Variants in PCDHGA1 observed in about 807,000 individuals in gnomAD.
The protein encoded by PCDHGA1 is protocadherin gamma-A1.
A neutral mutation model predicts 58.0 loss-of-function variants in PCDHGA1; 32 were observed. The observed-to-expected ratio is 0.55, with a 90% CI of 0.42 to 0.74. The LOEUF (loss-of-function observed/expected upper bound fraction) is 0.74. PCDHGA1 is among the 30% of genes least tolerant of loss of function. The pLI, the probability that PCDHGA1 is intolerant of heterozygous loss-of-function variation, is 0.00. For synonymous variants in PCDHGA1, 498 were observed against 501.1 expected (o/e 0.99, Z 0.08); for missense variants, 1,205 against 1,182.3 (o/e 1.02, Z -0.28).
At chr5:141,345,869 C>A (rs760004877) in intron 1 of PCDHGA1, 2 of 1,613,278 alleles carry the variant, frequency 1.2e-6, no homozygotes, top group Non-Finnish European at 1.7e-6. Context: ...TCAAGGCCAG[C>A]GAGCCGGGAC....
chr5:141,392,089 A>G (rs1278879227), intron 1 of PCDHGA1: 2 of 152,236 alleles, frequency 1.3e-5, no homozygotes, highest in Non-Finnish European at 2.9e-5. Context: ...ATTTAGAAGA[A>G]TAATTTAAAA....
intron 1 of PCDHGA1, chr5:141,416,504 C>G (rs966090979): frequency 1.3e-5 from 2 of 152,040 alleles, no homozygotes; most frequent in African/African-American, 4.8e-5. Flanking sequence ...AGATATATGA[C>G]AAAGCTATTT....
rs1398633747 is a variant in PCDHGA1, at chr5:141,331,478, A to G, written c.794A>G (p.Asn265Ser). 1.9e-6 allele frequency: 3 copies of G among 1,614,206 alleles called. No individual in the cohort carries two copies. The highest frequency in any genetic ancestry group is 2.2e-5 in the South Asian group (2 of 91,084). The change falls in exon 1 of 4, where the codon AAT becomes AGT. Residue 265 changes from asparagine to serine, a missense_variant. Transcript: ENST00000517417. ...CTGGGTACTCAGCTGCTCATGGTAA[A>G]TGCCACTGACCCTGATGAGGGAGCC... ...VPLGTQLLMV[N>S]ATDPDEGANG...
In PCDHGA1 at chr5:141,431,675, G is replaced by A. The variant is rs778040824; in HGVS notation, c.2422-63132G>A. Reference sequence around the variant, plus strand: ...TTCAGGGACAATATCAACAATAGGGGAGTTGGACCACGAGGAGTCAGGATT... The same window carrying A: ...TTCAGGGACAATATCAACAATAGGGAAGTTGGACCACGAGGAGTCAGGATT... On this transcript the variant is annotated intron_variant, in intron 1 of 3. Coordinates refer to ENST00000517417, the MANE Select transcript of PCDHGA1 (RefSeq NM_018912.3). The surrounding 1 kb of genome is among the most constrained non-coding windows in gnomAD (Gnocchi z 4.8). 5.6e-6 allele frequency: 9 copies of A among 1,614,230 alleles called. No homozygotes were observed. Among genetic ancestry groups the A allele is most frequent in the Admixed American group, 1.7e-5 (1 of 60,028 alleles).
intron 1 of PCDHGA1, chr5:141,388,479 C>T (rs1345463224): frequency 4.3e-6 from 7 of 1,613,652 alleles, no homozygotes; most frequent in Non-Finnish European, 1.7e-6. Flanking sequence ...ATTGAAGACA[C>T]CTTTGGACAG....
intron 1 of PCDHGA1, chr5:141,345,475 GCAA>G (rs780479748): frequency 1.7e-5 from 27 of 1,614,000 alleles, no homozygotes; most frequent in Middle Eastern, 1.6e-4. Context: ...GACCCAGATA[GCAA>G]CAACAACGCC....
At chr5:141,404,759 T>G (rs1466446291) in intron 1 of PCDHGA1, 1 of 1,613,632 alleles carries the variant, frequency 6.2e-7, no homozygotes, top group Admixed American at 1.7e-5. Flanking sequence ...CCAGAATGCT[T>G]GGCTCTCCTA....
intron 1 of PCDHGA1, chr5:141,427,307 T>C (rs745903769): frequency 4.4e-6 from 2 of 456,906 alleles, no homozygotes; most frequent in South Asian, 1.5e-5. Flanking sequence ...AGAATGACAA[T>C]GCCCCAGACG....
In PCDHGA1 at chr5:141,384,637, C is replaced by T. The variant is rs764454496; in HGVS notation, c.2421+51532C>T. On this transcript the variant is annotated intron_variant, in intron 1 of 3. Transcript: ENST00000517417. ...TTCTACTGGCATGGAGCTGGCACCC[C>T]GCTCCGCAGAGCCCGGCTACCTGGT... is the stretch of plus-strand genomic sequence containing the variant. The T allele has an allele frequency of 1.7e-5, 28 of 1,614,114 alleles. No individual in the cohort carries two copies. The highest frequency in any genetic ancestry group is 1.6e-4 in the Middle Eastern group (1 of 6,082).
chr5:141,438,591 CATATATATATAT>C lies in PCDHGA1; in HGVS notation c.2422-56182_2422-56171del, dbSNP rs946798767. ...TCTGATATACATACATACATACATACATATATATATATATATATATATATATATATATATATA... is the reference window on the plus strand; with the variant it reads ...TCTGATATACATACATACATACATACATATATATATATATATATATATATA... On this transcript the variant is annotated intron_variant, in intron 1 of 3. Coordinates refer to ENST00000517417, the MANE Select transcript of PCDHGA1 (RefSeq NM_018912.3). Among the ~76,000 whole-genome samples the C allele has an allele frequency of 1.5e-4, 11 of 75,568 alleles. No homozygotes were observed. The East Asian group carries it at 2.8e-3, about 19-fold the overall frequency. The allele number at this position is 75,568 out of a possible 152,430, so 49.6% of individuals were successfully genotyped here.
In PCDHGA1 at chr5:141,511,284, G is replaced by A; in HGVS notation, c.*111G>A. Reference sequence around the variant, plus strand: ...AGGGCTAACCCCCAGAATACTGGTAGGGGCCAAGGCCATGCTCCCCTTGGG... The same window carrying A: ...AGGGCTAACCCCCAGAATACTGGTAAGGGCCAAGGCCATGCTCCCCTTGGG... On this transcript the variant is annotated 3_prime_UTR_variant, in exon 4 of 4. Coordinates refer to ENST00000517417, the MANE Select transcript of PCDHGA1 (RefSeq NM_018912.3). 6.5e-7 allele frequency: 1 copy of A among 1,528,376 alleles called. No individual in the cohort carries two copies. The highest frequency in any genetic ancestry group is 1.4e-5 in the African/African-American group (1 of 72,796). The allele number at this position is 1,528,376 out of a possible 1,614,324, so 94.7% of individuals were successfully genotyped here.
intron 1 of PCDHGA1, chr5:141,361,176 T>A (rs2149821588): frequency 6.2e-7 from 1 of 1,613,882 alleles, no homozygotes; most frequent in Non-Finnish European, 8.5e-7. Flanking sequence ...CACCTGAAGT[T>A]ATTGTGACTT....
At chr5:141,397,978 C>G in intron 1 of PCDHGA1, 1 of 1,261,722 alleles carries the variant, frequency 7.9e-7, no homozygotes, top group Non-Finnish European at 1.1e-6. Flanking sequence ...CAGCGCCGGC[C>G]TTTACACCGC....
intron 1 of PCDHGA1, chr5:141,393,263 A>T: frequency 6.2e-7 from 1 of 1,613,926 alleles, no homozygotes; most frequent in African/African-American, 1.3e-5. Flanking sequence ...TTCCTGGAGC[A>T]CGTTATCCAC....
chr5:141,499,921 C>A, intron 2 of PCDHGA1, among the ~76,000 whole-genome samples: 1 of 152,128 alleles, frequency 6.6e-6, no homozygotes, highest in Middle Eastern at 3.2e-3. Context: ...CTCCTGGCCT[C>A]AAGTGATCCA....
At position 141,354,261 on chromosome 5, in the gene PCDHGA1, G is replaced by T. The variant is rs555341930; in HGVS notation, c.2421+21156G>T. Reference sequence around the variant, plus strand: ...CAGAGTTATTTACCCATTGTTTTAGGCTTTGCATTTGAACTGGTCATTCAT... The same window carrying T: ...CAGAGTTATTTACCCATTGTTTTAGTCTTTGCATTTGAACTGGTCATTCAT... On this transcript the variant is annotated intron_variant, in intron 1 of 3. Transcript: ENST00000517417. Among the ~76,000 whole-genome samples, 5 of 151,924 alleles carry T rather than the reference G, an allele frequency of 3.3e-5. No homozygotes were observed. In the East Asian group the frequency reaches 9.7e-4, roughly 29 times the overall value.
intron 1 of PCDHGA1, among the ~76,000 whole-genome samples, chr5:141,482,530 C>CGAAAAAAA (rs2099566141): frequency 1.3e-5 from 1 of 76,562 alleles, no homozygotes; most frequent in African/African-American, 4.8e-5. Context: ...GACAGACATG[C>CGAAAAAAA]AAAAAAAAAA....
rs115095833 is a variant in PCDHGA1 at position 141,332,340 on chromosome 5, G to A, written c.1656G>A (p.Leu552=). ...GCAACGTGTCTCTCAGCCTATTCCTGCTGGACCAGAACGACAACGCGCCCG... is the reference window on the plus strand; with the variant it reads ...GCAACGTGTCTCTCAGCCTATTCCTACTGGACCAGAACGACAACGCGCCCG... ...LSSNVSLSLF[L]LDQNDNAPEI... is the part of the protein sequence containing the mutation. The change falls in exon 1 of 4, where the codon CTG becomes CTA. Residue 552 remains leucine (L), a synonymous_variant. Transcript: ENST00000517417. The surrounding 1 kb of genome is among the most constrained non-coding windows in gnomAD (Gnocchi z 4.6). 6.3e-4 allele frequency: 1,024 copies of A among 1,614,184 alleles called. 7 individuals are homozygous for A. The African/African-American group carries it at 0.012, about 18-fold the overall frequency.
Position 141,487,623 on chromosome 5 carries a change from CT to C in PCDHGA1, c.2422-7181del. 1 of 1,614,206 alleles carries C rather than the reference CT, an allele frequency of 6.2e-7. No homozygotes were observed. Among genetic ancestry groups the C allele is most frequent in the Non-Finnish European group, 8.5e-7 (1 of 1,180,044 alleles). On this transcript the variant is annotated intron_variant, in intron 1 of 3. Transcript: ENST00000517417. This position sits in a 1 kb window ranked among gnomAD's most constrained non-coding sequence, Gnocchi z 5.0. ...CTTCTCTATGGGCTAGAGGTGAGAC[CT>C]TTGCAGGCTCAACAAATGCTTGAGG...
Sources: allele counts gnomAD v4.1 joint callset (sites outside exome capture counted in the v4.1 genomes callset), GRCh38; gene constraint gnomAD v4.1.1; non-coding constraint Gnocchi (gnomAD v3.1); transcripts MANE v1.5; gene names NCBI Gene and HGNC (gene_info 2026-07-23, HGNC 2026-07-21).